CNTN1: variants seen among roughly 807,000 people sequenced by gnomAD.
The protein encoded by CNTN1 is contactin 1.
A neutral mutation model predicts 126.4 loss-of-function variants in CNTN1; 38 were observed. The observed-to-expected ratio is 0.30, with a 90% CI of 0.23 to 0.39. The LOEUF is 0.39. Ranked by LOEUF, CNTN1 falls within the 10% of genes least tolerant of loss-of-function variation. CNTN1 has a pLI of 1.00. For synonymous variants in CNTN1, 413 were observed against 422.6 expected, an observed-to-expected ratio of 0.98 and a Z score of 0.28; for missense variants, 1,009 against 1,248.4, an observed-to-expected ratio of 0.81 and a Z score of 2.89.
At chr12:40,912,223 ATTT>A (rs11329659) in intron 3 of CNTN1, among the ~76,000 whole-genome samples, 3 of 151,596 alleles carry the variant, frequency 2.0e-5, no homozygotes, top group Admixed American at 1.3e-4. Flanking sequence ...TTTCTTCTTA[ATTT>A]TTTTTTAGAT....
chr12:40,952,850 A>G (rs1205875758), intron 14 of CNTN1, among the ~76,000 whole-genome samples: 1 of 152,162 alleles, frequency 6.6e-6, no homozygotes, highest in East Asian at 1.9e-4. Flanking sequence ...TGGATATAGC[A>G]TATATCAGAC....
At chr12:40,930,034 G>C in intron 7 of CNTN1, 32 bp downstream of exon 7, 3 of 1,494,378 alleles carry the variant, frequency 2.0e-6, no homozygotes, top group Non-Finnish European at 9.3e-7. Context: ...CTCTGTTTTC[G>C]CAAGGTTATC....
At chr12:40,776,839 T>C (rs1271489475) in intron 1 of CNTN1, among the ~76,000 whole-genome samples, 4 of 151,782 alleles carry the variant, frequency 2.6e-5, no homozygotes, top group African/African-American at 7.2e-5. Context: ...GAAACTCTTT[T>C]CATTAAAGCA....
chr12:40,849,247 T>TA (rs1942630973), intron 1 of CNTN1, among the ~76,000 whole-genome samples: 1 of 152,070 alleles, frequency 6.6e-6, no homozygotes, highest in Admixed American at 6.5e-5. Context: ...TACACTTATT[T>TA]AAAAAAGGTG....
intron 16 of CNTN1, among the ~76,000 whole-genome samples, chr12:40,984,409 T>A (rs893387475): frequency 5.9e-5 from 9 of 152,102 alleles, no homozygotes; most frequent in South Asian, 4.1e-4. Flanking sequence ...TATACAAGAA[T>A]CATAGTGCCA....
chr12:41,037,553 C>T (rs1354277379), intron 23 of CNTN1, among the ~76,000 whole-genome samples: 1 of 152,024 alleles, frequency 6.6e-6, no homozygotes, highest in Non-Finnish European at 1.5e-5. Context: ...TGCCTAATGA[C>T]ATTTCTGTGA....
intron 4 of CNTN1, among the ~76,000 whole-genome samples, chr12:40,921,160 T>C (rs978755605): frequency 2.0e-5 from 3 of 152,222 alleles, no homozygotes; most frequent in African/African-American, 7.2e-5. Context: ...TGCTTTTAAA[T>C]TATCTCCTAT....
intron 1 of CNTN1, among the ~76,000 whole-genome samples, chr12:40,814,508 A>T (rs547856878): frequency 1.3e-5 from 2 of 152,162 alleles, no homozygotes; most frequent in Admixed American, 1.3e-4. Context: ...ATGGTTGTAG[A>T]TGTGTGCTGT....
rs551733879 is a variant in CNTN1 at position 40,788,938 on chromosome 12, C to G, written c.-77+96346C>G. 3.9e-5 allele frequency among the ~76,000 whole-genome samples: 6 copies of G among 152,148 alleles called. No homozygotes were observed. In the East Asian group the frequency reaches 1.2e-3, roughly 29 times the overall value. On this transcript the variant is annotated intron_variant, in intron 1 of 23. Coordinates refer to ENST00000551295, the MANE Select transcript of CNTN1 (RefSeq NM_001843.4). ...TTAATTTTCTCTCGTGTTCGATATT[C>G]TTAATTTTTAATTTAGATCTTCATT...
chr12:41,011,009 C>G (rs1162908219), intron 17 of CNTN1, among the ~76,000 whole-genome samples: 1 of 152,186 alleles, frequency 6.6e-6, no homozygotes, highest in African/African-American at 2.4e-5. Context: ...GCCTGCAGAA[C>G]TGCCTGCTTT....
At chr12:40,889,145 A>G (rs1944156582) in intron 1 of CNTN1, among the ~76,000 whole-genome samples, 1 of 152,218 alleles carries the variant, frequency 6.6e-6, no homozygotes, top group Admixed American at 6.5e-5. Flanking sequence ...CTATCTGTAT[A>G]CCTGTATTTA....
At chr12:41,003,545 G>A (rs1301042461) in intron 17 of CNTN1, among the ~76,000 whole-genome samples, 5 of 151,112 alleles carry the variant, frequency 3.3e-5, no homozygotes, top group Non-Finnish European at 7.4e-5. Context: ...TGTACATTTG[G>A]TAGAATTCAG....
intron 1 of CNTN1, among the ~76,000 whole-genome samples, chr12:40,767,304 C>CTTTTTTTTTTTTTTTTTTTTT (rs10639318): frequency 1.1e-5 from 1 of 89,716 alleles, no homozygotes; most frequent in Non-Finnish European, 2.0e-5. Context: ...CTGACCTTTC[C>CTTTTTTTTTTTTTTTTTTTTT]TTTTTTTTTT....
rs1949493693 is a variant in CNTN1 at position 41,044,360 on chromosome 12, C to G, written c.2980+15141C>G. ...GTCAATAAGTTGAGTTGTAAGAATT[C>G]TGGTGCAAACAAAGTCAGTAAACAC... On this transcript the variant is annotated intron_variant, in intron 23 of 23. Coordinates refer to ENST00000551295, the MANE Select transcript of CNTN1 (RefSeq NM_001843.4). 3.3e-5 allele frequency among the ~76,000 whole-genome samples: 5 copies of G among 151,874 alleles called. No homozygotes were observed. In the East Asian group the frequency reaches 9.7e-4, roughly 29 times the overall value.
At chr12:40,959,687 T>C (rs1006125469) in intron 15 of CNTN1, among the ~76,000 whole-genome samples, 1 of 152,132 alleles carries the variant, frequency 6.6e-6, no homozygotes, top group African/African-American at 2.4e-5. Flanking sequence ...TTTTTATTTG[T>C]TGCTGGTTTT....
chr12:40,889,641 A>C (rs960365582), intron 1 of CNTN1, among the ~76,000 whole-genome samples: 1 of 152,188 alleles, frequency 6.6e-6, no homozygotes. Context: ...ACTCATCCTT[A>C]AAGAAGGGCA....
At chr12:40,736,296 T>C (rs1937676168) in intron 1 of CNTN1, among the ~76,000 whole-genome samples, 1 of 152,210 alleles carries the variant, frequency 6.6e-6, no homozygotes, top group South Asian at 2.1e-4. Flanking sequence ...AATATTCTAA[T>C]TTATATAGGA....
At chr12:40,911,337 C>A (rs749501386) in intron 3 of CNTN1, among the ~76,000 whole-genome samples, 1 of 152,136 alleles carries the variant, frequency 6.6e-6, no homozygotes, top group African/African-American at 2.4e-5. Context: ...GCCTTAGCCT[C>A]CCAAAGAGCT....
intron 1 of CNTN1, among the ~76,000 whole-genome samples, chr12:40,753,601 C>T (rs1367023579): frequency 6.6e-6 from 1 of 152,086 alleles, no homozygotes; most frequent in Non-Finnish European, 1.5e-5. Context: ...AGAACTCACT[C>T]ACTATCCAGA....
Sources: allele counts gnomAD v4.1 joint callset (sites outside exome capture counted in the v4.1 genomes callset), GRCh38; gene constraint gnomAD v4.1.1; transcripts MANE v1.5; gene names NCBI Gene and HGNC (gene_info 2026-07-23, HGNC 2026-07-21).